Variants in IGF1R observed in about 807,000 individuals in gnomAD.
IGF1R encodes the protein insulin like growth factor 1 receptor, also known as insulin-like growth factor 1 receptor.
Under a neutral mutation model 144.6 loss-of-function variants are expected in IGF1R, and 44 were observed. That is an observed-to-expected ratio of 0.30 (90% CI 0.24 to 0.39). The LOEUF (loss-of-function observed/expected upper bound fraction) is 0.39. Among genes scored for constraint, IGF1R ranks in the 10% least tolerant of loss-of-function variants. IGF1R has a pLI of 1.00. For missense variants in IGF1R, 1,355 were observed against 1,833.7 expected (o/e 0.74, Z 4.77); for synonymous variants, 795 against 722.8 (o/e 1.10, Z -1.60).
intron 2 of IGF1R, among the ~76,000 whole-genome samples, chr15:98,728,015 T>TTTG (rs1555436621): frequency 5.3e-5 from 8 of 150,002 alleles, no homozygotes; most frequent in Non-Finnish European, 1.2e-4. Flanking sequence ...TTGTTTTTTT[T>TTTG]TTTTTTTTTT....
chr15:98,657,206 C>G (rs2052505934), intron 1 of IGF1R, among the ~76,000 whole-genome samples: 1 of 152,168 alleles, frequency 6.6e-6, no homozygotes, highest in Non-Finnish European at 1.5e-5. Context: ...GAACAGAAGT[C>G]TAATGGTAAT....
intron 2 of IGF1R, among the ~76,000 whole-genome samples, chr15:98,883,439 T>A (rs1423191156): frequency 6.6e-6 from 1 of 152,224 alleles, no homozygotes; most frequent in Non-Finnish European, 1.5e-5. Context: ...CATTTTCAAC[T>A]AAGCTTCCTT....
In IGF1R at chr15:98,911,583, C is replaced by T. The variant is rs140385804; in HGVS notation, c.1589+142C>T. 3.4e-4 allele frequency: 353 copies of T among 1,036,890 alleles called. 1 individual carries two copies. Among genetic ancestry groups the T allele is most frequent in the Middle Eastern group, 2.7e-3 (9 of 3,374 alleles). The allele number at this position is 1,036,890 out of a possible 1,614,324, so 64.2% of individuals were successfully genotyped here. On this transcript the variant is annotated intron_variant, in intron 7 of 20. Transcript: ENST00000650285. ...AGAGCCACGCCAAACATCCCTACTT[C>T]ATCCTCATGCACCCTCTCGGGCTGT...
chr15:98,962,403 C>T lies in IGF1R; in HGVS notation c.*4961C>T, dbSNP rs1427088086. On this transcript the variant is annotated 3_prime_UTR_variant, in exon 21 of 21. Transcript: ENST00000650285. The stretch of plus-strand genomic sequence containing the variant: ...TTGGGAGATGTGGACCAGAGATCCA[C>T]TCCTTAAGAACCAGTGGCGAAAGAC... 2 of 233,622 alleles carry T rather than the reference C, an allele frequency of 8.6e-6. No individual in the cohort carries two copies. The highest frequency in any genetic ancestry group is 4.4e-5 in the African/African-American group (2 of 45,350). 14.5% of individuals were successfully genotyped at this position (233,622 alleles called of 1,614,324 possible).
chr15:98,669,861 A>T (rs2052843567), intron 1 of IGF1R, among the ~76,000 whole-genome samples: 1 of 152,244 alleles, frequency 6.6e-6, no homozygotes, highest in East Asian at 1.9e-4. Flanking sequence ...GGTAGATGGT[A>T]GGCCTGCCCC....
intron 2 of IGF1R, among the ~76,000 whole-genome samples, chr15:98,878,693 A>AAACAAAAC (rs1567174376): frequency 7.9e-6 from 1 of 126,118 alleles, no homozygotes; most frequent in South Asian, 2.3e-4. Flanking sequence ...AAAAAAAAAA[A>AAACAAAAC]AACAACAACA....
chr15:98,651,824 C>T (rs2052374834), intron 1 of IGF1R, among the ~76,000 whole-genome samples: 1 of 152,180 alleles, frequency 6.6e-6, no homozygotes, highest in African/African-American at 2.4e-5. Flanking sequence ...CCCCAAATCT[C>T]GATTATGGTT....
chr15:98,762,711 A>C (rs1395378585), intron 2 of IGF1R, among the ~76,000 whole-genome samples: 1 of 152,054 alleles, frequency 6.6e-6, no homozygotes, highest in Non-Finnish European at 1.5e-5. Context: ...CTGGGCAGTG[A>C]GTGAAACTCT....
At chr15:98,851,197 G>A (rs1032657010) in intron 2 of IGF1R, among the ~76,000 whole-genome samples, 8 of 152,190 alleles carry the variant, frequency 5.3e-5, no homozygotes, top group East Asian at 3.9e-4. Flanking sequence ...GGAACACAGC[G>A]GCTGAGGAAC....
rs2151747719 is a variant in IGF1R at position 98,962,987 on chromosome 15, A to G, written c.*5545A>G. On this transcript the variant is annotated 3_prime_UTR_variant, in exon 21 of 21. Transcript: ENST00000650285. ...GTGTGTCCGCATCTTTCTGGTCAAC[A>G]TTGTTTTAACTAGTCACTCATTAGC... 4.3e-6 allele frequency: 1 copy of G among 233,680 alleles called. No homozygotes were observed. The highest frequency in any genetic ancestry group is 6.0e-5 in the East Asian group (1 of 16,592). 14.5% of individuals were successfully genotyped at this position (233,680 alleles called of 1,614,324 possible). A position where few individuals can be genotyped will look rare whatever the true frequency, so the allele number is the denominator to read the frequency against.
At chr15:98,837,474 C>T (rs2011107886) in intron 2 of IGF1R, among the ~76,000 whole-genome samples, 2 of 152,094 alleles carry the variant, frequency 1.3e-5, no homozygotes, top group Admixed American at 6.6e-5. Flanking sequence ...CTCCTGACCG[C>T]CCACCTCGGC....
At chr15:98,675,964 T>C (rs2053031231) in intron 1 of IGF1R, among the ~76,000 whole-genome samples, 1 of 151,932 alleles carries the variant, frequency 6.6e-6, no homozygotes, top group Non-Finnish European at 1.5e-5. Flanking sequence ...TAGCTGGGAT[T>C]ACAGGCGTGC....
intron 2 of IGF1R, among the ~76,000 whole-genome samples, chr15:98,822,212 A>G (rs72752830): frequency 0.28 from 42,640 of 151,928 alleles, 7,237 homozygotes; most frequent in Middle Eastern, 0.52. Context: ...CTGAGATACA[A>G]CCTTCCTACA....
chr15:98,683,618 T>A (rs2053245954), intron 1 of IGF1R, among the ~76,000 whole-genome samples: 1 of 152,218 alleles, frequency 6.6e-6, no homozygotes, highest in Non-Finnish European at 1.5e-5. Flanking sequence ...ATGTTAGAGA[T>A]GTTATGAATT....
chr15:98,873,760 G>A (rs181494246), intron 2 of IGF1R: 1 of 152,324 alleles, frequency 6.6e-6, no homozygotes, highest in African/African-American at 2.4e-5. Flanking sequence ...CAGAAAGGGC[G>A]ATTTCTTAAC....
intron 17 of IGF1R, among the ~76,000 whole-genome samples, chr15:98,936,336 TC>T (rs1236665744): frequency 6.6e-6 from 1 of 152,152 alleles, no homozygotes; most frequent in African/African-American, 2.4e-5. Flanking sequence ...CCGTGGTGTC[TC>T]CCCCCTCTGT....
intron 1 of IGF1R, among the ~76,000 whole-genome samples, chr15:98,696,589 C>T (rs575597924): frequency 2.6e-5 from 4 of 152,284 alleles, no homozygotes; most frequent in African/African-American, 9.6e-5. Flanking sequence ...CGGCTTCTGA[C>T]CCAGGGCTTC....
intron 10 of IGF1R, among the ~76,000 whole-genome samples, chr15:98,917,993 T>C (rs1265419642): frequency 6.6e-6 from 1 of 152,260 alleles, no homozygotes; most frequent in Non-Finnish European, 1.5e-5. Flanking sequence ...GGCAACTTTT[T>C]ATCTTACATA....
intron 2 of IGF1R, among the ~76,000 whole-genome samples, chr15:98,764,802 T>C (rs552829628): frequency 6.6e-6 from 1 of 152,304 alleles, no homozygotes; most frequent in Admixed American, 6.5e-5. Flanking sequence ...AAAAATTTTT[T>C]TATAGAGGTA....
Sources: allele counts gnomAD v4.1 joint callset (sites outside exome capture counted in the v4.1 genomes callset), GRCh38; gene constraint gnomAD v4.1.1; transcripts MANE v1.5; gene names NCBI Gene and HGNC (gene_info 2026-07-23, HGNC 2026-07-21).